The following FAM204A variants were observed in gnomAD, a reference collection of about 807,000 sequenced individuals.
The protein encoded by FAM204A is family with sequence similarity 204 member A.
A neutral mutation model predicts 35.4 loss-of-function variants in FAM204A; 16 were observed. That is an observed-to-expected ratio of 0.45 (90% CI 0.31 to 0.69). FAM204A has a LOEUF of 0.69. FAM204A is among the 30% of genes least tolerant of loss of function. The pLI, the probability that FAM204A is intolerant of heterozygous loss-of-function variation, is 0.07. For missense variants in FAM204A, 240 were observed against 265.7 expected, an observed-to-expected ratio of 0.90 and a Z score of 0.67; for synonymous variants, 76 against 86.9, an observed-to-expected ratio of 0.88 and a Z score of 0.70.
intron 7 of FAM204A, among the ~76,000 whole-genome samples, chr10:118,320,900 T>C (rs944879955): frequency 2.0e-5 from 3 of 151,218 alleles, no homozygotes; most frequent in Non-Finnish European, 4.4e-5. Flanking sequence ...TGTGTGTGTG[T>C]GTGGTTTTTT....
chr10:118,328,194 T>C (rs1237115894), intron 6 of FAM204A, among the ~76,000 whole-genome samples: 1 of 152,114 alleles, frequency 6.6e-6, no homozygotes, highest in Non-Finnish European at 1.5e-5. Flanking sequence ...CCTGATACAA[T>C]TCTTCCACTC....
chr10:118,314,189 A>G (rs1310097943), intron 7 of FAM204A, among the ~76,000 whole-genome samples: 1 of 152,238 alleles, frequency 6.6e-6, no homozygotes, highest in Non-Finnish European at 1.5e-5. Context: ...TAAATATAAT[A>G]AACAACTAGG....
chr10:118,303,900 C>T lies in FAM204A; in HGVS notation c.*6957G>A, dbSNP rs1845834897. The T allele has an allele frequency of 6.6e-6, 1 of 152,320 alleles. No individual in the cohort carries two copies. The highest frequency in any genetic ancestry group is 6.5e-5 in the Admixed American group (1 of 15,290). The allele number at this position is 152,320 out of a possible 1,614,324, so 9.4% of individuals were successfully genotyped here. On this transcript the variant is annotated 3_prime_UTR_variant, in exon 9 of 9. Transcript: ENST00000369183. ...CCAGCACAAGGCCAAGGCTTTACCC[C>T]TTTCAGGCATTCCCCTTCCTCATGG... is the stretch of plus-strand genomic sequence containing the variant.
Position 118,301,303 on chromosome 10 carries a change from G to A in FAM204A, c.*9554C>T, listed in dbSNP as rs571831691. 6.6e-6 allele frequency: 1 copy of A among 152,324 alleles called. No homozygotes were observed. The highest frequency in any genetic ancestry group is 1.9e-4 in the East Asian group (1 of 5,190). 9.4% of individuals were successfully genotyped at this position (152,324 alleles called of 1,614,324 possible). ...TTTCACCCTACTTGCAACTTAGCAA[G>A]TCAGTTGGCCAGTTTTACAAATGCT... On this transcript the variant is annotated 3_prime_UTR_variant, in exon 9 of 9. Transcript: ENST00000369183.
intron 6 of FAM204A, among the ~76,000 whole-genome samples, chr10:118,326,546 A>C (rs1175378553): frequency 6.6e-6 from 1 of 152,202 alleles, no homozygotes; most frequent in African/African-American, 2.4e-5. Context: ...AATAGCTAAA[A>C]ATTATGGAGT....
intron 6 of FAM204A, among the ~76,000 whole-genome samples, chr10:118,332,412 T>C (rs1846306959): frequency 6.6e-6 from 1 of 151,576 alleles, no homozygotes; most frequent in Non-Finnish European, 1.5e-5. Context: ...TTACAACTGA[T>C]ACCAGGGGAT....
chr10:118,337,317 T>C (rs1846404679), intron 2 of FAM204A: 1 of 748,268 alleles, frequency 1.3e-6, no homozygotes, highest in Non-Finnish European at 1.6e-6. Flanking sequence ...GAGAAGCCGG[T>C]TGTACTGCTC....
chr10:118,334,463 T>C (rs1846347622), intron 6 of FAM204A, among the ~76,000 whole-genome samples: 1 of 152,200 alleles, frequency 6.6e-6, no homozygotes, highest in Non-Finnish European at 1.5e-5. Context: ...TTCATCATCA[T>C]CTTATGCCTA....
chr10:118,325,022 C>T (rs1318562609), intron 7 of FAM204A, among the ~76,000 whole-genome samples: 1 of 151,950 alleles, frequency 6.6e-6, no homozygotes, highest in Non-Finnish European at 1.5e-5. Flanking sequence ...AACACATACA[C>T]ACACATTAAA....
intron 6 of FAM204A, among the ~76,000 whole-genome samples, chr10:118,328,395 C>T (rs920724603): frequency 1.3e-5 from 2 of 152,118 alleles, no homozygotes; most frequent in Admixed American, 1.3e-4. Flanking sequence ...ATCAACATTA[C>T]CTGGAAACTT....
rs776348138 is a variant in FAM204A at position 118,336,179 on chromosome 10, T to A, written c.234+3A>T. The A allele has an allele frequency of 6.2e-7, 1 of 1,612,280 alleles. No homozygotes were observed. The highest frequency in any genetic ancestry group is 8.5e-7 in the Non-Finnish European group (1 of 1,179,112). ...TAGCAAGAGCATTTCAGAGAAAACC[T>A]ACATTCCACATATCTATGGGAATTC... On this transcript the variant is annotated splice_donor_region_variant and intron_variant, in intron 3 of 8. Transcript: ENST00000369183.
At chr10:118,318,858 A>C (rs1179573820) in intron 7 of FAM204A, among the ~76,000 whole-genome samples, 1 of 151,908 alleles carries the variant, frequency 6.6e-6, no homozygotes, top group East Asian at 1.9e-4. Context: ...AATTTAAGCA[A>C]ATGTTTTGAA....
In FAM204A at chr10:118,299,603, A is replaced by G. The variant is rs984276227; in HGVS notation, c.*11254T>C. Reference sequence around the variant, plus strand: ...CTGCTGTTGCTCAGGCTAGTCTTGAACTCCTAGGCTCAAGCAGCTCTCCCT... The same window carrying G: ...CTGCTGTTGCTCAGGCTAGTCTTGAGCTCCTAGGCTCAAGCAGCTCTCCCT... On this transcript the variant is annotated 3_prime_UTR_variant, in exon 9 of 9. Coordinates refer to ENST00000369183, the MANE Select transcript of FAM204A (RefSeq NM_022063.3). 6.6e-6 allele frequency: 1 copy of G among 150,696 alleles called. No individual in the cohort carries two copies. The highest frequency in any genetic ancestry group is 2.5e-5 in the African/African-American group (1 of 40,806). The allele number at this position is 150,696 out of a possible 1,614,324, so 9.3% of individuals were successfully genotyped here.
chr10:118,325,002 C>T (rs1356041491), intron 7 of FAM204A, among the ~76,000 whole-genome samples: 1 of 152,038 alleles, frequency 6.6e-6, no homozygotes, highest in Non-Finnish European at 1.5e-5. Context: ...CTCTCTCACA[C>T]ACACACACAA....
chr10:118,299,733 T>C lies in FAM204A; in HGVS notation c.*11124A>G, dbSNP rs530417360. ...AAGGCCGAGGAAAGCTTGACAATTATTGGACAACTGGGTTTTCTCACAACT... is the reference window on the plus strand; with the variant it reads ...AAGGCCGAGGAAAGCTTGACAATTACTGGACAACTGGGTTTTCTCACAACT... On this transcript the variant is annotated 3_prime_UTR_variant, in exon 9 of 9. Transcript: ENST00000369183. 4 of 152,214 alleles carry C rather than the reference T, an allele frequency of 2.6e-5. No homozygotes were observed. Among genetic ancestry groups the C allele is most frequent in the South Asian group, 4.2e-4 (2 of 4,818 alleles). The allele number at this position is 152,214 out of a possible 1,614,324, so 9.4% of individuals were successfully genotyped here.
At chr10:118,337,440 A>G (rs191172021) in intron 2 of FAM204A, among the ~76,000 whole-genome samples, 24 of 152,316 alleles carry the variant, frequency 1.6e-4, no homozygotes, top group African/African-American at 5.3e-4. Flanking sequence ...AAACAAAAGA[A>G]ACCACCATTC....
At chr10:118,333,114 T>C (rs1384304440) in intron 6 of FAM204A, among the ~76,000 whole-genome samples, 3 of 152,148 alleles carry the variant, frequency 2.0e-5, no homozygotes, top group Non-Finnish European at 4.4e-5. Flanking sequence ...GTGACAGCAG[T>C]GCTGTAAACA....
In FAM204A at chr10:118,307,612, G is replaced by A. The variant is rs1026571831; in HGVS notation, c.*3245C>T. 6.6e-6 allele frequency: 1 copy of A among 152,080 alleles called. No homozygotes were observed. The highest frequency in any genetic ancestry group is 6.6e-5 in the Admixed American group (1 of 15,264). 9.4% of individuals were successfully genotyped at this position (152,080 alleles called of 1,614,324 possible). A position where few individuals can be genotyped will look rare whatever the true frequency, so the allele number is the denominator to read the frequency against. ...TTTAAACAACAACCTCATACAATAT[G>A]TTTTATATTTAGCAAGACACACATT... On this transcript the variant is annotated 3_prime_UTR_variant, in exon 9 of 9. Coordinates refer to ENST00000369183, the MANE Select transcript of FAM204A (RefSeq NM_022063.3).
chr10:118,320,386 C>T (rs1007831592), intron 7 of FAM204A, among the ~76,000 whole-genome samples: 1 of 151,518 alleles, frequency 6.6e-6, no homozygotes, highest in Non-Finnish European at 1.5e-5. Flanking sequence ...TTGTTTCTAT[C>T]GTTTTCTATA....
Sources: gnomAD v4.1 joint callset for allele counts (sites outside exome capture counted in the v4.1 genomes callset) on GRCh38, gnomAD v4.1.1 for gene constraint, MANE v1.5 for transcripts, NCBI Gene and HGNC (gene_info 2026-07-23, HGNC 2026-07-21) for gene names.